Variants in LYZL1 observed in about 807,000 individuals in gnomAD.
LYZL1 encodes lysozyme-like protein 1.
LYZL1 carries 16 observed loss-of-function variants against 17.9 expected under a neutral mutation model. The observed-to-expected ratio is 0.90, with a 90% CI of 0.61 to 1.36. The LOEUF (loss-of-function observed/expected upper bound fraction) is 1.36. Ranked by LOEUF, LYZL1 falls within the 40% of genes most tolerant of loss-of-function variation. The pLI is 0.00. For missense variants in LYZL1, 149 were observed against 188.4 expected, an observed-to-expected ratio of 0.79 and a Z score of 1.22; for synonymous variants, 58 against 71.8, an observed-to-expected ratio of 0.81 and a Z score of 0.97.
chr10:29,311,469 G>T (rs1412590135), downstream of LYZL1, among the ~76,000 whole-genome samples: 1 of 152,002 alleles, frequency 6.6e-6, no homozygotes, highest in African/African-American at 2.4e-5. Context: ...CTGAGGGGCC[G>T]AATCCCCTTA....
At chr10:29,311,371 C>A, downstream of LYZL1, 1 of 613,418 alleles carries the variant, frequency 1.6e-6, no homozygotes, top group Non-Finnish European at 2.3e-6. Context: ...GAAACTGCTG[C>A]TCATTCAAAA....
downstream of LYZL1, among the ~76,000 whole-genome samples, chr10:29,315,347 TA>T (rs1835717341): frequency 6.6e-6 from 1 of 151,724 alleles, no homozygotes; most frequent in Non-Finnish European, 1.5e-5. Context: ...CCATCTCTAC[TA>T]AAAATACAAA....
In LYZL1 at chr10:29,289,211, A is replaced by C. The variant is rs753249615; in HGVS notation, c.-45A>C. The C allele has an allele frequency of 1.3e-6, 2 of 1,590,218 alleles. No homozygotes were observed. The highest frequency in any genetic ancestry group is 1.7e-6 in the Non-Finnish European group (2 of 1,168,284). ...TGAGAAGTCAGCCTCTGGGGCAGGCACCAGGAATCTGCCTTTTCAGTAAGA... is the reference window on the plus strand; with the variant it reads ...TGAGAAGTCAGCCTCTGGGGCAGGCCCCAGGAATCTGCCTTTTCAGTAAGA... On this transcript the variant is annotated 5_prime_UTR_variant, in exon 1 of 5. Transcript: ENST00000649382.
chr10:29,294,576 A>G lies in LYZL1; in HGVS notation c.298+1899A>G, dbSNP rs374352430. 4.6e-5 allele frequency among the ~76,000 whole-genome samples: 7 copies of G among 152,336 alleles called. No individual in the cohort carries two copies. The East Asian group carries it at 5.8e-4, about 13-fold the overall frequency. ...TGTTTCATTCACTGATGTATCCTCA[A>G]TGTCTAGAATGGTGCCTGGCCATTG... On this transcript the variant is annotated intron_variant, in intron 3 of 4. Transcript: ENST00000649382.
chr10:29,303,714 G>A (rs1388732172), intron 3 of LYZL1, among the ~76,000 whole-genome samples: 2 of 152,190 alleles, frequency 1.3e-5, no homozygotes, highest in African/African-American at 2.4e-5. Context: ...AAAACAAGAT[G>A]TTGGTTTTAT....
At chr10:29,298,849 C>T (rs1055094837) in intron 3 of LYZL1, among the ~76,000 whole-genome samples, 1 of 152,052 alleles carries the variant, frequency 6.6e-6, no homozygotes. Context: ...TTCCATGAAC[C>T]AGAGGGAGGA....
intron 3 of LYZL1, among the ~76,000 whole-genome samples, chr10:29,293,512 A>G (rs182225651): frequency 1.7e-4 from 26 of 152,340 alleles, no homozygotes; most frequent in African/African-American, 5.8e-4. Context: ...CCAGAAATAC[A>G]TATGAGCACA....
At chr10:29,307,097 A>G (rs1588662976) in intron 3 of LYZL1, among the ~76,000 whole-genome samples, 1 of 152,012 alleles carries the variant, frequency 6.6e-6, no homozygotes, top group Admixed American at 6.6e-5. Context: ...CAAGTGATCC[A>G]CCTGCCTCGG....
At chr10:29,302,001 G>T (rs1378251872) in intron 3 of LYZL1, among the ~76,000 whole-genome samples, 1 of 151,624 alleles carries the variant, frequency 6.6e-6, no homozygotes, top group Non-Finnish European at 1.5e-5. Flanking sequence ...GCAAACTTTC[G>T]TATCTCTCAT....
chr10:29,302,821 T>C (rs1223145450), intron 3 of LYZL1, among the ~76,000 whole-genome samples: 1 of 152,186 alleles, frequency 6.6e-6, no homozygotes, highest in Non-Finnish European at 1.5e-5. Flanking sequence ...TGCAACATTG[T>C]TGAGTGTCTA....
At chr10:29,303,265 T>C (rs1300484207) in intron 3 of LYZL1, among the ~76,000 whole-genome samples, 1 of 152,172 alleles carries the variant, frequency 6.6e-6, no homozygotes, top group Admixed American at 6.5e-5. Context: ...GTCTGATGTC[T>C]GTCTCCTCCT....
intron 3 of LYZL1, among the ~76,000 whole-genome samples, chr10:29,304,620 T>C (rs923433903): frequency 6.6e-6 from 1 of 152,236 alleles, no homozygotes; most frequent in Admixed American, 6.5e-5. Context: ...TCTTTATTCA[T>C]GTTTGACAGG....
rs562622536 is a variant in LYZL1, at chr10:29,310,103, T to G, written c.299-7T>G. ...CGCCTAACCCTGATGTCTTCTCTCT[T>G]TTACAGCCTTGATCACTGATGACCT... On this transcript the variant is annotated splice_region_variant and splice_polypyrimidine_tract_variant and intron_variant, in intron 3 of 4. Coordinates refer to ENST00000649382, the MANE Select transcript of LYZL1 (RefSeq NM_032517.6). 3.2e-5 allele frequency: 51 copies of G among 1,606,540 alleles called. No homozygotes were observed. Among genetic ancestry groups the G allele is most frequent in the Admixed American group, 2.5e-4 (15 of 59,902 alleles).
intron 3 of LYZL1, among the ~76,000 whole-genome samples, chr10:29,293,122 C>T (rs373755709): frequency 1.4e-3 from 135 of 96,406 alleles, no homozygotes; most frequent in Admixed American, 1.9e-3. Flanking sequence ...TTTTTCTTTT[C>T]TTTTCTTTTT....
chr10:29,296,266 G>A (rs993701148), intron 3 of LYZL1, among the ~76,000 whole-genome samples: 1 of 152,192 alleles, frequency 6.6e-6, no homozygotes, highest in African/African-American at 2.4e-5. Flanking sequence ...AAAGCAGGAG[G>A]CAAGTGGTGA....
chr10:29,318,045 A>C (rs11007524), intron 4 of LYZL1: 188,090 of 448,294 alleles, frequency 0.42, 40,974 homozygotes, highest in East Asian at 0.64. Flanking sequence ...GACACTTTGA[A>C]AGGATAAACT....
rs1835397932 is a variant in LYZL1, at chr10:29,293,127, C to CTTTTCTTTTTTTTTTTT, written c.298+454_298+455insCTTTTTTTTTTTTTTTT. On this transcript the variant is annotated intron_variant, in intron 3 of 4. Transcript: ENST00000649382. ...TCTTTCTTTTTTTTTCTTTTCTTTT[C>CTTTTCTTTTTTTTTTTT]TTTTTTCTTTTTTTTTTTTTTTTGA... 3.8e-5 allele frequency among the ~76,000 whole-genome samples: 4 copies of CTTTTCTTTTTTTTTTTT among 104,202 alleles called. 1 individual carries two copies. The highest frequency in any genetic ancestry group is 6.6e-4 in the South Asian group (2 of 3,046). The allele number at this position is 104,202 out of a possible 152,430, so 68.4% of individuals were successfully genotyped here. A position where few individuals can be genotyped will look rare whatever the true frequency, so the allele number is the denominator to read the frequency against.
At chr10:29,294,817 T>A (rs1311907208) in intron 3 of LYZL1, among the ~76,000 whole-genome samples, 1 of 152,178 alleles carries the variant, frequency 6.6e-6, no homozygotes, top group Admixed American at 6.5e-5. Context: ...TACCTAACCC[T>A]GTATATACTA....
intron 3 of LYZL1, among the ~76,000 whole-genome samples, chr10:29,301,730 C>T (rs936705354): frequency 5.9e-5 from 9 of 152,098 alleles, no homozygotes; most frequent in Admixed American, 5.9e-4. Context: ...AATTTGAAAA[C>T]ATTTCAGTCA....
Sources: gnomAD v4.1 joint callset for allele counts (sites outside exome capture counted in the v4.1 genomes callset) on GRCh38, gnomAD v4.1.1 for gene constraint, MANE v1.5 for transcripts, NCBI Gene and HGNC (gene_info 2026-07-23, HGNC 2026-07-21) for gene names.